The following CDH13 variants were observed in gnomAD, a reference collection of about 807,000 sequenced individuals.
CDH13 encodes cadherin 13, also known as cadherin-13.
Under a neutral mutation model 63.8 loss-of-function variants are expected in CDH13, and 24 were observed. The observed-to-expected ratio is 0.38, with a 90% confidence interval of 0.27 to 0.53. CDH13 has a LOEUF of 0.53. CDH13 is among the 20% of genes least tolerant of loss of function. CDH13 has a pLI of 0.85. For missense variants in CDH13, 1,049 were observed against 903.1 expected, an observed-to-expected ratio of 1.16 and a Z score of -2.07; for synonymous variants, 503 against 355.3, an observed-to-expected ratio of 1.42 and a Z score of -4.67.
In CDH13 at chr16:82,639,513, T is replaced by G. The variant is rs897099301; in HGVS notation, c.45+12376T>G. 31 of 1,280,262 alleles carry G rather than the reference T, an allele frequency of 2.4e-5. No homozygotes were observed. In the African/African-American group the frequency reaches 4.4e-4, roughly 18 times the overall value. The allele number at this position is 1,280,262 out of a possible 1,614,324, so 79.3% of individuals were successfully genotyped here. On this transcript the variant is annotated intron_variant, in intron 1 of 13. Transcript: ENST00000567109. Reference sequence around the variant, plus strand: ...CGTGTGGCTGGATGGAATTCTTCCCTAGGGATGCTAAGAAACCCTGTTGCC... The same window carrying G: ...CGTGTGGCTGGATGGAATTCTTCCCGAGGGATGCTAAGAAACCCTGTTGCC...
intron 9 of CDH13, among the ~76,000 whole-genome samples, chr16:83,672,411 T>C (rs998612758): frequency 1.5e-4 from 6 of 40,180 alleles, no homozygotes; most frequent in South Asian, 2.2e-3. Flanking sequence ...TGGATTCTCT[T>C]TTTTTTTTTT....
At chr16:82,658,452 T>C (rs188713244) in intron 1 of CDH13, among the ~76,000 whole-genome samples, 1 of 152,366 alleles carries the variant, frequency 6.6e-6, no homozygotes, top group East Asian at 1.9e-4. Flanking sequence ...CATGGTTACA[T>C]TTTAATATAC....
In CDH13 at chr16:83,463,505, G is replaced by A. The variant is rs114177258; in HGVS notation, c.782-22972G>A. 8.0e-3 allele frequency among the ~76,000 whole-genome samples: 1,216 copies of A among 152,266 alleles called. 15 individuals carry two copies. Among genetic ancestry groups the A allele is most frequent in the Middle Eastern group, 0.027 (8 of 294 alleles). On this transcript the variant is annotated intron_variant, in intron 6 of 13. Transcript: ENST00000567109. ...ACACAGGCTCTTGAAGCTTTCACAT[G>A]AAAGTGGCATGCAGGCCAGGTGCAA... is the stretch of plus-strand genomic sequence containing the variant.
intron 5 of CDH13, among the ~76,000 whole-genome samples, chr16:83,263,001 T>G (rs982761062): frequency 1.3e-5 from 2 of 152,208 alleles, no homozygotes; most frequent in South Asian, 4.1e-4. Context: ...ATGGGATATA[T>G]TCTTTGAAAC....
rs149098752 is a variant in CDH13, at chr16:83,748,080, A to C, written c.1539-28A>C. 9.5e-4 allele frequency: 1,537 copies of C among 1,613,338 alleles called. 4 individuals are homozygous for C. Among genetic ancestry groups the C allele is most frequent in the South Asian group, 1.6e-3 (147 of 91,076 alleles). ...TTTCTTGAATCTACTTTGAATGCAG[A>C]GTCTGACATTGTGGGGATTTTTTTC... On this transcript the variant is annotated intron_variant, in intron 10 of 13. Coordinates refer to ENST00000567109, the MANE Select transcript of CDH13 (RefSeq NM_001257.5).
intron 5 of CDH13, among the ~76,000 whole-genome samples, chr16:83,232,078 T>C (rs2040011423): frequency 6.6e-6 from 1 of 151,912 alleles, no homozygotes; most frequent in Non-Finnish European, 1.5e-5. Flanking sequence ...AGGGAGAGGA[T>C]CAGGAAACAT....
In CDH13 at chr16:83,198,086, C is replaced by T. The variant is rs190146781; in HGVS notation, c.484-19259C>T. Among the ~76,000 whole-genome samples the T allele has an allele frequency of 3.3e-5, 5 of 152,102 alleles. No homozygotes were observed. In the East Asian group the frequency reaches 9.6e-4, roughly 29 times the overall value. On this transcript the variant is annotated intron_variant, in intron 4 of 13. Coordinates refer to ENST00000567109, the MANE Select transcript of CDH13 (RefSeq NM_001257.5). ...CGACATTTTAGTATAGTTAACTATC[C>T]AGTAGGACATTGAGCATCTTGCTTT...
At chr16:83,766,636 A>G (rs1914407944) in intron 11 of CDH13, among the ~76,000 whole-genome samples, 1 of 152,152 alleles carries the variant, frequency 6.6e-6, no homozygotes, top group Admixed American at 6.5e-5. Flanking sequence ...AAAGTCTACT[A>G]CTTTCTAAGA....
At chr16:83,729,660 C>A (rs79878266) in intron 10 of CDH13, among the ~76,000 whole-genome samples, 2,253 of 152,212 alleles carry the variant, frequency 0.015, 46 homozygotes, top group African/African-American at 0.049. Flanking sequence ...GTCAGTAATC[C>A]CACCCACATG....
chr16:82,935,929 G>A (rs1259214892), intron 2 of CDH13, among the ~76,000 whole-genome samples: 1 of 152,166 alleles, frequency 6.6e-6, no homozygotes, highest in East Asian at 1.9e-4. Flanking sequence ...GGTGGCAGCT[G>A]TGCTGAATTT....
chr16:83,453,257 G>T (rs547939327), intron 6 of CDH13, among the ~76,000 whole-genome samples: 1 of 152,272 alleles, frequency 6.6e-6, no homozygotes, highest in South Asian at 2.1e-4. Context: ...ACTACAAATT[G>T]AGTTCAGTGT....
At chr16:82,757,931 G>A (rs2034680289) in intron 1 of CDH13, among the ~76,000 whole-genome samples, 1 of 152,194 alleles carries the variant, frequency 6.6e-6, no homozygotes, top group African/African-American at 2.4e-5. Context: ...TTACAGGCGT[G>A]AGTCACCGCA....
intron 6 of CDH13, among the ~76,000 whole-genome samples, chr16:83,444,696 T>G (rs2072615154): frequency 2.0e-5 from 3 of 152,178 alleles, no homozygotes; most frequent in Admixed American, 2.0e-4. Flanking sequence ...AGTATAATGT[T>G]TTGGGTAGCA....
chr16:83,201,745 A>T (rs867213114), intron 4 of CDH13, among the ~76,000 whole-genome samples: 2,691 of 135,738 alleles, frequency 0.02, 78 homozygotes, highest in African/African-American at 0.07. Context: ...AAAAAAAATT[A>T]AAAAAAAAAA....
intron 3 of CDH13, among the ~76,000 whole-genome samples, chr16:83,045,947 T>C (rs1917742684): frequency 6.6e-6 from 1 of 152,238 alleles, no homozygotes; most frequent in Non-Finnish European, 1.5e-5. Flanking sequence ...TCTACCCATG[T>C]TGGGCAGATG....
chr16:82,698,432 A>G (rs1415164562), intron 1 of CDH13, among the ~76,000 whole-genome samples: 1 of 152,240 alleles, frequency 6.6e-6, no homozygotes, highest in East Asian at 1.9e-4. Context: ...AAACCTTGGT[A>G]GTATATTAAC....
At chr16:83,363,482 C>T (rs977891710) in intron 6 of CDH13, among the ~76,000 whole-genome samples, 2 of 152,086 alleles carry the variant, frequency 1.3e-5, no homozygotes. Context: ...GTTAAGAGAC[C>T]ACTAAATGAA....
chr16:83,351,307 A>G (rs1488882428), intron 6 of CDH13, among the ~76,000 whole-genome samples: 1 of 142,786 alleles, frequency 7.0e-6, no homozygotes, highest in Non-Finnish European at 1.5e-5. Context: ...CCTTAGGTAG[A>G]TATATTTTTT....
At chr16:83,671,598 T>G (rs1198817167) in intron 9 of CDH13, among the ~76,000 whole-genome samples, 4 of 152,214 alleles carry the variant, frequency 2.6e-5, no homozygotes. Flanking sequence ...AAGGAATTAT[T>G]AACAGATATG....
Sources: allele counts gnomAD v4.1 joint callset (sites outside exome capture counted in the v4.1 genomes callset), GRCh38; gene constraint gnomAD v4.1.1; transcripts MANE v1.5; gene names NCBI Gene and HGNC (gene_info 2026-07-23, HGNC 2026-07-21).